ATP8A2: variants seen among roughly 807,000 people sequenced by gnomAD.
The protein encoded by ATP8A2 is ATPase phospholipid transporting 8A2, also known as phospholipid-transporting ATPase IB.
In ATP8A2, 100 loss-of-function variants were observed where a neutral mutation model predicts 165.6. The observed-to-expected ratio is 0.60, with a 90% CI of 0.51 to 0.71. The LOEUF is 0.71. ATP8A2 is among the 30% of genes least tolerant of loss of function. The probability of loss-of-function intolerance (pLI) is 0.00; values close to 1 mark genes in which losing one functional copy is unlikely to be tolerated. For synonymous variants in ATP8A2, 543 were observed against 548.8 expected (o/e 0.99, Z 0.15); for missense variants, 1,227 against 1,479.5 (o/e 0.83, Z 2.80).
chr13:25,678,333 T>C (rs61947311), intron 24 of ATP8A2, among the ~76,000 whole-genome samples: 5,813 of 151,996 alleles, frequency 0.038, 167 homozygotes, highest in Middle Eastern at 0.099. Context: ...GGGAGAAGGG[T>C]AGAGGCACTT....
intron 24 of ATP8A2, among the ~76,000 whole-genome samples, chr13:25,677,649 G>A (rs1369230222): frequency 6.6e-6 from 1 of 152,188 alleles, no homozygotes; most frequent in East Asian, 1.9e-4. Context: ...TCTTGGTGAA[G>A]GGTAAGGTGA....
intron 35 of ATP8A2, among the ~76,000 whole-genome samples, chr13:25,980,930 A>G (rs1054652509): frequency 2.0e-5 from 3 of 152,206 alleles, no homozygotes; most frequent in Non-Finnish European, 4.4e-5. Flanking sequence ...GTATATAAAA[A>G]TACACAAAAT....
intron 1 of ATP8A2, among the ~76,000 whole-genome samples, chr13:25,467,847 G>C (rs528610875): frequency 2.2e-4 from 34 of 152,298 alleles, no homozygotes; most frequent in African/African-American, 8.2e-4. Flanking sequence ...CACCATGCCC[G>C]GCCAAGATGT....
intron 33 of ATP8A2, among the ~76,000 whole-genome samples, chr13:25,894,023 A>G (rs1181071410): frequency 6.6e-6 from 1 of 152,138 alleles, no homozygotes; most frequent in African/African-American, 2.4e-5. Flanking sequence ...GCTGTGCAGA[A>G]GCTCTTTAGT....
intron 15 of ATP8A2, among the ~76,000 whole-genome samples, chr13:25,563,110 G>A (rs1156925094): frequency 6.6e-6 from 1 of 152,128 alleles, no homozygotes; most frequent in Non-Finnish European, 1.5e-5. Flanking sequence ...TCTTGACAAC[G>A]TTGAAGTTTC....
chr13:25,704,818 G>T (rs1205950379), intron 25 of ATP8A2, among the ~76,000 whole-genome samples: 1 of 152,146 alleles, frequency 6.6e-6, no homozygotes, highest in South Asian at 2.1e-4. Context: ...ATATCATGTT[G>T]TCTGTGGTCT....
intron 35 of ATP8A2, among the ~76,000 whole-genome samples, 154 bp downstream of exon 35, chr13:25,968,833 C>T (rs1955847570): frequency 6.6e-6 from 1 of 152,194 alleles, no homozygotes; most frequent in Non-Finnish European, 1.5e-5. Flanking sequence ...TTAAATCACA[C>T]TCTCAGTGAC....
chr13:25,425,092 AG>A (rs1275019408), intron 1 of ATP8A2, among the ~76,000 whole-genome samples: 1 of 152,184 alleles, frequency 6.6e-6, no homozygotes, highest in African/African-American at 2.4e-5. Flanking sequence ...GTTTTTAAAG[AG>A]GTAACGACAT....
chr13:25,841,578 C>T (rs1282002145), intron 30 of ATP8A2, among the ~76,000 whole-genome samples: 1 of 152,158 alleles, frequency 6.6e-6, no homozygotes, highest in African/African-American at 2.4e-5. Flanking sequence ...TAATTAATTT[C>T]TAAATTCTCA....
chr13:25,879,900 C>T (rs931297341), intron 33 of ATP8A2, among the ~76,000 whole-genome samples: 2 of 152,168 alleles, frequency 1.3e-5, no homozygotes, highest in Admixed American at 6.5e-5. Context: ...CTAACTCAAT[C>T]GATAATTGAT....
chr13:25,591,886 G>A (rs565896280), intron 24 of ATP8A2, among the ~76,000 whole-genome samples: 1 of 152,182 alleles, frequency 6.6e-6, no homozygotes, highest in African/African-American at 2.4e-5. Flanking sequence ...TCTAATTTTT[G>A]GGGACATATA....
intron 24 of ATP8A2, among the ~76,000 whole-genome samples, chr13:25,691,725 A>G (rs1297968534): frequency 2.0e-5 from 3 of 152,190 alleles, no homozygotes; most frequent in Non-Finnish European, 2.9e-5. Context: ...CTACTTATGG[A>G]CTTTAAATTT....
intron 24 of ATP8A2, among the ~76,000 whole-genome samples, chr13:25,616,326 C>CTTTTTTTTTTTTTTTTTTTTTTTTTTT (rs535891442): frequency 1.9e-5 from 2 of 106,754 alleles, no homozygotes; most frequent in African/African-American, 3.8e-5. Context: ...TTCTTTCTTT[C>CTTTTTTTTTTTTTTTTTTTTTTTTTTT]TTTTTTTTTT....
At chr13:25,794,252 C>T (rs1320818116) in intron 27 of ATP8A2, among the ~76,000 whole-genome samples, 4 of 152,144 alleles carry the variant, frequency 2.6e-5, no homozygotes, top group African/African-American at 9.7e-5. Context: ...TTCTACTTAC[C>T]AAATACTAGA....
chr13:25,640,585 C>A (rs1243720847), intron 24 of ATP8A2, among the ~76,000 whole-genome samples: 7 of 152,186 alleles, frequency 4.6e-5, no homozygotes, highest in African/African-American at 1.7e-4. Context: ...AGATCAATAA[C>A]AGGCTCTGAA....
intron 33 of ATP8A2, among the ~76,000 whole-genome samples, chr13:25,909,193 C>G (rs957364876): frequency 2.0e-5 from 3 of 152,094 alleles, no homozygotes; most frequent in African/African-American, 7.2e-5. Context: ...GAGTGACATA[C>G]TAGTCCCCCA....
chr13:25,953,325 T>C lies in ATP8A2; in HGVS notation c.3184-8250T>C, dbSNP rs1955422633. 6.6e-6 allele frequency among the ~76,000 whole-genome samples: 1 copy of C among 151,594 alleles called. No homozygotes were observed. The highest frequency in any genetic ancestry group is 2.1e-4 in the South Asian group (1 of 4,808). Reference sequence around the variant, plus strand: ...GAAGGGGCAGACTTAAATTTTCTTCTGTAAAATGGGGACGGGGGGGATTAA... The same window carrying C: ...GAAGGGGCAGACTTAAATTTTCTTCCGTAAAATGGGGACGGGGGGGATTAA... On this transcript the variant is annotated intron_variant, in intron 33 of 36. Transcript: ENST00000381655. This position sits in a 1 kb window ranked among gnomAD's most constrained non-coding sequence, Gnocchi z 6.7.
intron 2 of ATP8A2, among the ~76,000 whole-genome samples, chr13:25,487,804 T>C (rs1020482058): frequency 1.3e-5 from 2 of 152,202 alleles, no homozygotes; most frequent in Non-Finnish European, 2.9e-5. Flanking sequence ...TTATTAAACA[T>C]GTAATGGAAA....
At chr13:25,680,831 T>C (rs1237218941) in intron 24 of ATP8A2, among the ~76,000 whole-genome samples, 2 of 152,140 alleles carry the variant, frequency 1.3e-5, no homozygotes, top group Non-Finnish European at 2.9e-5. Context: ...GTTCCTGGCA[T>C]TTGGGTTTAG....
Sources: allele counts gnomAD v4.1 joint callset (sites outside exome capture counted in the v4.1 genomes callset), GRCh38; gene constraint gnomAD v4.1.1; non-coding constraint Gnocchi (gnomAD v3.1); transcripts MANE v1.5; gene names NCBI Gene and HGNC (gene_info 2026-07-23, HGNC 2026-07-21).